The following SBF1 variants were observed in gnomAD, a reference collection of about 807,000 sequenced individuals.
SBF1 encodes SET binding factor 1, also known as myotubularin-related protein 5.
Under a neutral mutation model 215.8 loss-of-function variants are expected in SBF1, and 65 were observed. The ratio of observed to expected loss-of-function variants is 0.30; its 90% CI spans 0.25 to 0.37. The LOEUF (loss-of-function observed/expected upper bound fraction) is 0.37, where lower values mean the gene tolerates loss of function less well. SBF1 is among the 10% of genes least tolerant of loss of function. The pLI is 1.00. For missense variants in SBF1, 2,634 were observed against 2,667.8 expected (o/e 0.99, Z 0.28); for synonymous variants, 1,410 against 1,122.8 (o/e 1.26, Z -5.11).
At position 50,467,780 on chromosome 22, in the gene SBF1, G is replaced by A. The variant is rs1336824007; in HGVS notation, c.279+6C>T. The A allele has an allele frequency of 6.2e-7, 1 of 1,613,816 alleles. No homozygotes were observed. The highest frequency in any genetic ancestry group is 2.2e-5 in the East Asian group (1 of 44,884). ...TTCATGCTGTACCCAGAGGCCCCAA[G>A]CTGACCTGTGAAGGCTCCGCTGGCT... On this transcript the variant is annotated splice_donor_region_variant and intron_variant, in intron 3 of 40. Transcript: ENST00000380817.
chr22:50,447,088 C>G lies in SBF1; in HGVS notation c.*54G>C. 1 of 1,518,754 alleles carries G rather than the reference C, an allele frequency of 6.6e-7. No homozygotes were observed. Among genetic ancestry groups the G allele is most frequent in the Non-Finnish European group, 9.0e-7 (1 of 1,112,006 alleles). 94.1% of individuals were successfully genotyped at this position (1,518,754 alleles called of 1,614,324 possible). A position where few individuals can be genotyped will look rare whatever the true frequency, so the allele number is the denominator to read the frequency against. On this transcript the variant is annotated 3_prime_UTR_variant, in exon 41 of 41. Coordinates refer to ENST00000380817, the MANE Select transcript of SBF1 (RefSeq NM_002972.4). ...AACATGGCCGGGGCGGCCCTGCCCA[C>G]CCCTAGTGGTCGGTAACGACCGGAA...
chr22:50,474,232 T>C (rs1294657358), intron 1 of SBF1, among the ~76,000 whole-genome samples: 7 of 152,098 alleles, frequency 4.6e-5, no homozygotes, highest in Non-Finnish European at 1.0e-4. Flanking sequence ...CCTCAAATCC[T>C]CCCAGTTTCA....
chr22:50,456,087 A>C, intron 31 of SBF1, 129 bp downstream of exon 31: 1 of 984,754 alleles, frequency 1.0e-6, no homozygotes, highest in Non-Finnish European at 1.5e-6. Flanking sequence ...CTGGGTGGGA[A>C]GTGGCTGTCA....
In SBF1 at chr22:50,467,664, T is replaced by C. The variant is rs749011429; in HGVS notation, c.306A>G (p.Thr102=). The C allele has an allele frequency of 6.3e-7, 1 of 1,594,178 alleles. No homozygotes were observed. The highest frequency in any genetic ancestry group is 8.5e-7 in the Non-Finnish European group (1 of 1,170,038). ...SQETTRVEDA[T]EREEEGDEGG... ...CCTCATCCCCCTCTTCCTCCCTCTC[T>C]GTGGCATCCTCCACGCGCGTCGTTT... is the stretch of plus-strand genomic sequence containing the variant. The change falls in exon 4 of 41, where the codon ACA becomes ACG. Residue 102 remains threonine, a synonymous_variant. Coordinates refer to ENST00000380817, the MANE Select transcript of SBF1 (RefSeq NM_002972.4).
In SBF1 at chr22:50,448,447, G is replaced by A. The variant is rs373795386; in HGVS notation, c.5152-3C>T. 331 of 1,613,272 alleles carry A rather than the reference G, an allele frequency of 2.1e-4. No homozygotes were observed. The highest frequency in any genetic ancestry group is 2.8e-4 in the Non-Finnish European group (329 of 1,179,700). On this transcript the variant is annotated splice_region_variant and splice_polypyrimidine_tract_variant and intron_variant, in intron 37 of 40. Coordinates refer to ENST00000380817, the MANE Select transcript of SBF1 (RefSeq NM_002972.4). Reference sequence around the variant, plus strand: ...ACAAGGAGGGAGCTAGGGGTGCCCTGGGAACAGGAGGTTGGGACTTGGGTC... The same window carrying A: ...ACAAGGAGGGAGCTAGGGGTGCCCTAGGAACAGGAGGTTGGGACTTGGGTC...
chr22:50,449,082 G>C (rs2066944546), intron 36 of SBF1, among the ~76,000 whole-genome samples: 1 of 151,790 alleles, frequency 6.6e-6, no homozygotes, highest in African/African-American at 2.4e-5. Context: ...GCCTGTAGGA[G>C]AATCGCTTGA....
intron 36 of SBF1, among the ~76,000 whole-genome samples, chr22:50,449,656 A>ACACACACACACC (rs1026571113): frequency 2.0e-5 from 3 of 148,344 alleles, no homozygotes; most frequent in African/African-American, 7.6e-5. Flanking sequence ...ACACACACAC[A>ACACACACACACC]CCCCAAAATG....
At chr22:50,467,049 A>C in intron 5 of SBF1, 1 of 579,026 alleles carries the variant, frequency 1.7e-6, no homozygotes, top group South Asian at 2.1e-5. Flanking sequence ...ACTCCAACAC[A>C]CCCAGGCACA....
Position 50,447,609 on chromosome 22 carries a change from C to T in SBF1, c.5364G>A (p.Arg1788=), listed in dbSNP as rs1192466995. 2 of 1,607,572 alleles carry T rather than the reference C, an allele frequency of 1.2e-6. No homozygotes were observed. Among genetic ancestry groups the T allele is most frequent in the Admixed American group, 1.7e-5 (1 of 59,772 alleles). The change falls in exon 39 of 41, where the codon AGG becomes AGA. Residue 1788 remains arginine (R), a splice_region_variant and synonymous_variant. Coordinates refer to ENST00000380817, the MANE Select transcript of SBF1 (RefSeq NM_002972.4). ...SQFQTAESEN[R]SYEGTLYKKG... ...TCTTGTACAGAGTGCCCTCGTAGGA[C>T]CTGCATTTCCAGCAGAACCAGGGCC...
intron 10 of SBF1, among the ~76,000 whole-genome samples, 195 bp downstream of exon 10, chr22:50,465,568 C>T (rs181593551): frequency 6.6e-6 from 1 of 152,344 alleles, no homozygotes; most frequent in African/African-American, 2.4e-5. Flanking sequence ...CTTGCTGGGC[C>T]CCTGCCGCCT....
rs771617687 is a variant in SBF1 at position 50,462,263 on chromosome 22, G to A, written c.2338C>T (p.Arg780Trp). 3.1e-6 allele frequency: 5 copies of A among 1,611,364 alleles called. No individual in the cohort carries two copies. Among genetic ancestry groups the A allele is most frequent in the African/African-American group, 1.3e-5 (1 of 75,056 alleles). ...AGGTCGCCCAGCCCGGCACGCTCCC[G>A]AAGTAGGCGGCTCTTGCTGCTGTCC... ...PLDSSKSRLL[R>W]ERAGLGDLES... The change falls in exon 19 of 41, where the codon CGG (arginine) becomes TGG (tryptophan). Residue 780 changes from arginine to tryptophan, a missense_variant. By Grantham distance (101) the Arg-to-Trp change is moderately radical. Coordinates refer to ENST00000380817, the MANE Select transcript of SBF1 (RefSeq NM_002972.4).
intron 36 of SBF1, among the ~76,000 whole-genome samples, 186 bp downstream of exon 36, chr22:50,454,326 T>C (rs1569509843): frequency 6.6e-6 from 1 of 151,986 alleles, no homozygotes; most frequent in Non-Finnish European, 1.5e-5. Flanking sequence ...TGCGGGGCCC[T>C]GGGGAGCCAC....
At chr22:50,452,615 T>C (rs1204975253) in intron 36 of SBF1, among the ~76,000 whole-genome samples, 1 of 148,630 alleles carries the variant, frequency 6.7e-6, no homozygotes, top group Non-Finnish European at 1.5e-5. Flanking sequence ...CCCAGCTACT[T>C]GGGAGGCTGA....
At chr22:50,469,961 T>C (rs2067938216) in intron 1 of SBF1, among the ~76,000 whole-genome samples, 1 of 152,094 alleles carries the variant, frequency 6.6e-6, no homozygotes, top group Admixed American at 6.5e-5. Flanking sequence ...GAGGGGCCGA[T>C]TCTGACTCAC....
chr22:50,462,710 C>G lies in SBF1; in HGVS notation c.1976G>C (p.Ser659Thr), dbSNP rs772100239. 18 of 1,611,444 alleles carry G rather than the reference C, an allele frequency of 1.1e-5. No individual in the cohort carries two copies. Among genetic ancestry groups the G allele is most frequent in the African/African-American group, 4.0e-5 (3 of 74,906 alleles). ...PLVTAFCRKL[S>T]PGVTQFAYSC... ...GTATGCAAACTGCGTCACCCCCGGG[C>G]TCAGCTTCTGCAGGAGCCAGGGGAG... Residue 659 changes from serine to threonine, a missense_variant, in exon 18 of 41, where the codon AGC (serine) becomes ACC (threonine). Ser to Thr is a moderately conservative substitution (Grantham distance 58, BLOSUM62 1). Transcript: ENST00000380817.
At chr22:50,467,211 C>T (rs1018861747) in intron 5 of SBF1, 127 bp downstream of exon 5, 7 of 735,528 alleles carry the variant, frequency 9.5e-6, no homozygotes, top group African/African-American at 7.0e-5. Context: ...AATGGTGGCA[C>T]GAGGACGCAA....
At chr22:50,455,846 G>A (rs1384520852) in intron 31 of SBF1, 3 of 570,336 alleles carry the variant, frequency 5.3e-6, no homozygotes, top group South Asian at 4.2e-5. Context: ...AGATGCCGGT[G>A]GCCCTACCTT....
At position 50,464,344 on chromosome 22, in the gene SBF1, C is replaced by T; in HGVS notation, c.1734G>A (p.Met578Ile). The T allele has an allele frequency of 1.2e-6, 2 of 1,613,854 alleles. No homozygotes were observed. The highest frequency in any genetic ancestry group is 1.7e-6 in the Non-Finnish European group (2 of 1,179,870). Residue 578 changes from methionine (M) to isoleucine (I), a missense_variant, in exon 15 of 41, where the codon ATG becomes ATA. Met to Ile is a conservative substitution (Grantham distance 10, BLOSUM62 1). Transcript: ENST00000380817. Reference sequence around the variant, plus strand: ...CAGCCCTCACCTTCTTGGCCTCAAGCATTTTCCCCTCAAACACGTAGGAGA... The same window carrying T: ...CAGCCCTCACCTTCTTGGCCTCAAGTATTTTCCCCTCAAACACGTAGGAGA... ...NCISYVFEGKMLEAKKLLPAV... is the reference protein window; with the variant it reads ...NCISYVFEGKILEAKKLLPAV...
intron 1 of SBF1, among the ~76,000 whole-genome samples, chr22:50,472,142 C>T (rs2068019008): frequency 6.6e-6 from 1 of 152,180 alleles, no homozygotes; most frequent in African/African-American, 2.4e-5. Flanking sequence ...AGGTGAGGGG[C>T]CTGCAGATGG....
Sources: allele counts gnomAD v4.1 joint callset (sites outside exome capture counted in the v4.1 genomes callset), GRCh38; gene constraint gnomAD v4.1.1; transcripts MANE v1.5; gene names NCBI Gene and HGNC (gene_info 2026-07-23, HGNC 2026-07-21).